The following ITPR1 variants were observed in gnomAD, a reference collection of about 807,000 sequenced individuals.
The protein encoded by ITPR1 is inositol 1,4,5-trisphosphate receptor type 1.
ITPR1 carries 96 observed loss-of-function variants against 318.4 expected under a neutral mutation model. The ratio of observed to expected loss-of-function variants is 0.30; its 90% CI spans 0.26 to 0.36. The LOEUF is 0.36. Ranked by LOEUF, ITPR1 falls within the 10% of genes least tolerant of loss-of-function variation. The pLI, the probability that ITPR1 is intolerant of heterozygous loss-of-function variation, is 1.00. For synonymous variants in ITPR1, 1,312 were observed against 1,289.9 expected (o/e 1.02, Z -0.37); for missense variants, 2,440 against 3,460.2 (o/e 0.71, Z 7.40).
intron 56 of ITPR1, among the ~76,000 whole-genome samples, chr3:4,812,703 G>T (rs2049019272): frequency 6.6e-6 from 1 of 152,186 alleles, no homozygotes; most frequent in South Asian, 2.1e-4. Flanking sequence ...TTCTTGGCAT[G>T]TATCTCCAGC....
chr3:4,673,035 C>G, intron 20 of ITPR1, 101 bp from the exon 21 acceptor site: 2 of 1,325,802 alleles, frequency 1.5e-6, no homozygotes, highest in Non-Finnish European at 2.1e-6. Context: ...TTTAGTTGGC[C>G]AAATGTCACT....
intron 18 of ITPR1, 94 bp downstream of exon 18, chr3:4,667,643 T>C: frequency 1.6e-6 from 2 of 1,246,660 alleles, no homozygotes; most frequent in Middle Eastern, 2.9e-4. Context: ...CTTGTGCTGC[T>C]AGTGACAAGT....
intron 31 of ITPR1, among the ~76,000 whole-genome samples, chr3:4,689,618 G>C (rs2094449551): frequency 6.6e-6 from 1 of 152,180 alleles, no homozygotes; most frequent in Non-Finnish European, 1.5e-5. Context: ...TGTTCCCTCA[G>C]TGTCATGTTA....
At chr3:4,651,446 C>G (rs910261613) in intron 10 of ITPR1, among the ~76,000 whole-genome samples, 13 of 152,186 alleles carry the variant, frequency 8.5e-5, no homozygotes, top group Non-Finnish European at 4.4e-5. Context: ...AGAGAGGACC[C>G]TCAGGTAGAA....
intron 44 of ITPR1, chr3:4,750,868 C>G (rs1437688548): frequency 1.3e-5 from 2 of 152,556 alleles, no homozygotes; most frequent in Non-Finnish European, 2.9e-5. Context: ...TTGTGTAGCC[C>G]CGGGACATCA....
At chr3:4,508,194 C>T (rs1368863712) in intron 2 of ITPR1, among the ~76,000 whole-genome samples, 3 of 152,148 alleles carry the variant, frequency 2.0e-5, no homozygotes, top group African/African-American at 7.2e-5. Context: ...TCAGACTGTT[C>T]AGCCCCAGTG....
At chr3:4,768,914 T>C (rs1286671883) in intron 46 of ITPR1, 150 bp downstream of exon 46, 12 of 726,558 alleles carry the variant, frequency 1.7e-5, no homozygotes, top group African/African-American at 3.8e-5. Context: ...CTTTTTTCTT[T>C]TTTCTTTTTT....
At chr3:4,720,352 G>A (rs1424024289) in intron 40 of ITPR1, among the ~76,000 whole-genome samples, 1 of 152,236 alleles carries the variant, frequency 6.6e-6, no homozygotes, top group East Asian at 1.9e-4. Flanking sequence ...AGCGGCTTAG[G>A]AGATCAGGTG....
chr3:4,656,970 C>T (rs888676964), intron 12 of ITPR1, among the ~76,000 whole-genome samples: 2 of 152,182 alleles, frequency 1.3e-5, no homozygotes, highest in African/African-American at 2.4e-5. Flanking sequence ...TATCTGTAGG[C>T]AGATGGGCTT....
At chr3:4,732,018 G>A (rs912184166) in intron 42 of ITPR1, among the ~76,000 whole-genome samples, 3 of 152,112 alleles carry the variant, frequency 2.0e-5, no homozygotes, top group African/African-American at 4.8e-5. Context: ...GAGGAACTCC[G>A]TGACTTGCTA....
intron 4 of ITPR1, among the ~76,000 whole-genome samples, chr3:4,552,714 C>CT (rs1335619978): frequency 6.6e-6 from 1 of 152,140 alleles, no homozygotes. Context: ...TCAACTTAAC[C>CT]TTCAGCCTCT....
At chr3:4,686,463 G>C (rs1016133799) in intron 30 of ITPR1, among the ~76,000 whole-genome samples, 68 of 152,180 alleles carry the variant, frequency 4.5e-4, no homozygotes, top group African/African-American at 1.6e-3. Flanking sequence ...CTACTTCCTT[G>C]TGTGTAAGGA....
chr3:4,611,248 A>AG (rs1258788490), intron 4 of ITPR1, among the ~76,000 whole-genome samples: 2 of 149,182 alleles, frequency 1.3e-5, no homozygotes, highest in African/African-American at 5.0e-5. Context: ...AAAAACAAAA[A>AG]AAAAACTATA....
intron 46 of ITPR1, among the ~76,000 whole-genome samples, chr3:4,770,090 G>A (rs190976751): frequency 6.6e-4 from 101 of 152,326 alleles, no homozygotes; most frequent in Middle Eastern, 3.4e-3. Flanking sequence ...CCAGTCAGCC[G>A]TGGTAGTTCT....
At chr3:4,562,861 G>T (rs779455849) in intron 4 of ITPR1, among the ~76,000 whole-genome samples, 31 of 146,032 alleles carry the variant, frequency 2.1e-4, no homozygotes, top group Non-Finnish European at 4.0e-4. Context: ...CAGACACCAA[G>T]AAGCAAACAA....
chr3:4,744,608 GCGTGTGAAATGTTTAC>G (rs958395494), intron 44 of ITPR1, among the ~76,000 whole-genome samples: 1 of 152,214 alleles, frequency 6.6e-6, no homozygotes. Flanking sequence ...ATGACCCTCA[GCGTGTGAAATGTTTAC>G]CATTTGGCCC....
At position 4,639,431 on chromosome 3, in the gene ITPR1, A is replaced by G. The variant is rs770832878; in HGVS notation, c.327A>G (p.Lys109=). 1 of 1,581,842 alleles carries G rather than the reference A, an allele frequency of 6.3e-7. No homozygotes were observed. Among genetic ancestry groups the G allele is most frequent in the South Asian group, 1.2e-5 (1 of 85,832 alleles). ...AGCAGAATGAGACAGAAAACAGGAA[A>G]TTGCTGGGGACCGTAATCCAGTATG... is the stretch of plus-strand genomic sequence containing the variant. ...EKKQNETENR[K]LLGTVIQYGN... The change falls in exon 6 of 62, where the codon AAA becomes AAG. Residue 109 remains lysine (K), a synonymous_variant. Transcript: ENST00000649015.
chr3:4,604,493 G>T (rs954439792), intron 4 of ITPR1, among the ~76,000 whole-genome samples: 1 of 152,102 alleles, frequency 6.6e-6, no homozygotes. Context: ...GGAGGGATGG[G>T]GTGTTCAATT....
At chr3:4,714,314 G>GTGGA (rs2041608578) in intron 39 of ITPR1, among the ~76,000 whole-genome samples, 1 of 152,188 alleles carries the variant, frequency 6.6e-6, no homozygotes, top group South Asian at 2.1e-4. Flanking sequence ...CACGGTGAGT[G>GTGGA]TGGAGGCCGT....
Sources: gnomAD v4.1 joint callset for allele counts (sites outside exome capture counted in the v4.1 genomes callset) on GRCh38, gnomAD v4.1.1 for gene constraint, MANE v1.5 for transcripts, NCBI Gene and HGNC (gene_info 2026-07-23, HGNC 2026-07-21) for gene names.